The following WDTC1 variants were observed in gnomAD, a reference collection of about 807,000 sequenced individuals.
WDTC1 encodes the protein WD and tetratricopeptide repeats 1.
WDTC1 carries 12 observed loss-of-function variants against 76.0 expected under a neutral mutation model. The ratio of observed to expected loss-of-function variants is 0.16; its 90% confidence interval spans 0.10 to 0.26. The LOEUF (loss-of-function observed/expected upper bound fraction) is 0.26, where lower values mean the gene tolerates loss of function less well. WDTC1 is among the 10% of genes least tolerant of loss of function. The pLI is 1.00. For synonymous variants in WDTC1, 326 were observed against 350.8 expected (o/e 0.93, Z 0.79); for missense variants, 511 against 908.8 (o/e 0.56, Z 5.63).
chr1:27,302,349 G>C (rs554797616), intron 13 of WDTC1, among the ~76,000 whole-genome samples: 1 of 152,080 alleles, frequency 6.6e-6, no homozygotes, highest in Non-Finnish European at 1.5e-5. Context: ...ATGCTGGGAG[G>C]GGGTGGGCTT....
rs961225022 is a variant in WDTC1, at chr1:27,256,285, C to CT, written c.-99-4670dup. 9.8e-5 allele frequency among the ~76,000 whole-genome samples: 15 copies of CT among 152,306 alleles called. 1 individual carries two copies. Among genetic ancestry groups the CT allele is most frequent in the Middle Eastern group, 6.8e-3 (2 of 294 alleles). ...CCTTGCTACACTCCAGGTGAACTCT[C>CT]TGTGGTCCTCTGACTCTGAGACACT... On this transcript the variant is annotated intron_variant, in intron 1 of 15. Transcript: ENST00000319394.
At chr1:27,287,913 C>G (rs750799273) in intron 6 of WDTC1, 52 bp downstream of exon 6, 3 of 1,565,170 alleles carry the variant, frequency 1.9e-6, no homozygotes, top group African/African-American at 1.4e-5. Context: ...TCCCATCATC[C>G]TATAGTGTTT....
chr1:27,303,446 C>T lies in WDTC1; in HGVS notation c.1469-175C>T, dbSNP rs2013878828. ...GTCTCCTCTTGAACATCCTCAGGGG[C>T]TAGATCCAAAGATGCATCTTCCTCA... is the stretch of plus-strand genomic sequence containing the variant. On this transcript the variant is annotated intron_variant, in intron 13 of 15. Transcript: ENST00000319394. The surrounding 1 kb of genome is among the most constrained non-coding windows in gnomAD (Gnocchi z 4.8). 6.6e-6 allele frequency among the ~76,000 whole-genome samples: 1 copy of T among 152,156 alleles called. No individual in the cohort carries two copies. Among genetic ancestry groups the T allele is most frequent in the African/African-American group, 2.4e-5 (1 of 41,418 alleles).
intron 8 of WDTC1, 39 bp from the exon 9 acceptor site, chr1:27,294,475 G>A (rs944233505): frequency 3.2e-6 from 5 of 1,576,632 alleles, no homozygotes; most frequent in Non-Finnish European, 4.4e-6. Context: ...CCCTTTGAAA[G>A]GGACTGGGAC....
chr1:27,303,319 C>T lies in WDTC1; in HGVS notation c.1469-302C>T, dbSNP rs1005343790. ...TTGCTAGTGCCTCACTCTACCCTCC[C>T]CTGCCTCTTACCTCCACAGAAACAG... On this transcript the variant is annotated intron_variant, in intron 13 of 15. Transcript: ENST00000319394. This position sits in a 1 kb window ranked among gnomAD's most constrained non-coding sequence, Gnocchi z 4.8. Among the ~76,000 whole-genome samples the T allele has an allele frequency of 7.2e-5, 11 of 152,124 alleles. No individual in the cohort carries two copies. The highest frequency in any genetic ancestry group is 3.9e-4 in the Admixed American group (6 of 15,272).
At chr1:27,261,201 C>A in intron 2 of WDTC1, 99 bp downstream of exon 2, 1 of 1,417,282 alleles carries the variant, frequency 7.1e-7, no homozygotes, top group Non-Finnish European at 9.8e-7. Context: ...CTGTGACTTG[C>A]CTAAAGTCAC....
chr1:27,239,517 CAAAAA>C (rs1165446864), intron 1 of WDTC1, among the ~76,000 whole-genome samples: 1 of 40,568 alleles, frequency 2.5e-5, no homozygotes, highest in East Asian at 9.0e-4. Context: ...GACCCTGTCT[CAAAAA>C]AAAAAAAAAA....
intron 1 of WDTC1, among the ~76,000 whole-genome samples, chr1:27,255,123 T>C (rs1015373783): frequency 1.3e-5 from 2 of 152,164 alleles, no homozygotes; most frequent in African/African-American, 4.8e-5. Context: ...GCTTTCTTAG[T>C]ATGGCTACTA....
At chr1:27,282,167 A>G in intron 3 of WDTC1, 72 bp from the exon 4 acceptor site, 7 of 1,457,176 alleles carry the variant, frequency 4.8e-6, no homozygotes, top group Non-Finnish European at 6.7e-6. Flanking sequence ...GTTCAGTTCC[A>G]CTTCTTGGTG....
intron 1 of WDTC1, among the ~76,000 whole-genome samples, chr1:27,254,561 C>T (rs1218430752): frequency 6.6e-6 from 1 of 152,006 alleles, no homozygotes; most frequent in East Asian, 1.9e-4. Context: ...CGCCACTGCA[C>T]TCCAGCCTGG....
At chr1:27,262,366 C>T (rs2012506886) in intron 2 of WDTC1, among the ~76,000 whole-genome samples, 1 of 151,904 alleles carries the variant, frequency 6.6e-6, no homozygotes. Context: ...CCCTGCATCC[C>T]TGAATCCTTT....
intron 1 of WDTC1, among the ~76,000 whole-genome samples, chr1:27,256,190 A>G (rs147656279): frequency 1.3e-5 from 2 of 152,260 alleles, no homozygotes; most frequent in Non-Finnish European, 2.9e-5. Flanking sequence ...TGGTGAACAC[A>G]CTGTTGCCAC....
At chr1:27,234,599 G>T (rs1343850339), upstream of WDTC1, 1 of 393,142 alleles carries the variant, frequency 2.5e-6, no homozygotes, top group East Asian at 3.6e-5. Flanking sequence ...GCGCAGGGCG[G>T]AGGCGGAGAC....
At chr1:27,278,928 T>A (rs2147955873) in intron 3 of WDTC1, among the ~76,000 whole-genome samples, 1 of 152,196 alleles carries the variant, frequency 6.6e-6, no homozygotes, top group East Asian at 1.9e-4. Context: ...CCAGGTGCAG[T>A]GATGTGTGCT....
At position 27,306,630 on chromosome 1, in the gene WDTC1, G is replaced by GCC. The variant is rs3841357; in HGVS notation, c.*255_*256dup. 43 of 534,912 alleles carry GCC rather than the reference G, an allele frequency of 8.0e-5. No homozygotes were observed. The highest frequency in any genetic ancestry group is 1.1e-4 in the Non-Finnish European group (34 of 298,882). 33.1% of individuals were successfully genotyped at this position (534,912 alleles called of 1,614,324 possible). A position where few individuals can be genotyped will look rare whatever the true frequency, so the allele number is the denominator to read the frequency against. On this transcript the variant is annotated 3_prime_UTR_variant, in exon 16 of 16. Transcript: ENST00000319394. The surrounding 1 kb of genome is among the most constrained non-coding windows in gnomAD (Gnocchi z 5.0). ...AGCAGGAGGGGACACCCCTCCATAT[G>GCC]CCCCCCCCCATCTCCTGCTTTCATG...
intron 6 of WDTC1, among the ~76,000 whole-genome samples, chr1:27,290,714 T>C (rs2013512776): frequency 6.6e-6 from 1 of 152,220 alleles, no homozygotes; most frequent in African/African-American, 2.4e-5. Flanking sequence ...AGCTGTGACC[T>C]TAGAACTTCT....
At chr1:27,244,161 T>G (rs1311604694) in intron 1 of WDTC1, among the ~76,000 whole-genome samples, 1 of 151,076 alleles carries the variant, frequency 6.6e-6, no homozygotes, top group African/African-American at 2.4e-5. Flanking sequence ...AAATAAAAAT[T>G]TTTTTAAAAA....
At chr1:27,297,917 T>C in intron 11 of WDTC1, 21 bp from the exon 12 acceptor site, 2 of 1,599,264 alleles carry the variant, frequency 1.3e-6, no homozygotes, top group Non-Finnish European at 1.7e-6. Context: ...CTGTTCTGAC[T>C]TGGCTCTATT....
chr1:27,303,804 C>T lies in WDTC1; in HGVS notation c.1643+9C>T, dbSNP rs1344832786. 6.2e-7 allele frequency: 1 copy of T among 1,613,912 alleles called. No individual in the cohort carries two copies. ...GCCAATTTCTTTGGCAGGTCCGAGG[C>T]CCTGAAGAGGAGGGTGCAGCCCAGT... is the stretch of plus-strand genomic sequence containing the variant. On this transcript the variant is annotated intron_variant, in intron 14 of 15. Transcript: ENST00000319394. The surrounding 1 kb of genome is among the most constrained non-coding windows in gnomAD (Gnocchi z 4.8).
Sources: allele counts gnomAD v4.1 joint callset (sites outside exome capture counted in the v4.1 genomes callset), GRCh38; gene constraint gnomAD v4.1.1; non-coding constraint Gnocchi (gnomAD v3.1); transcripts MANE v1.5; gene names NCBI Gene and HGNC (gene_info 2026-07-23, HGNC 2026-07-21).